Variants in ACCSL observed in about 807,000 individuals in gnomAD.
ACCSL encodes the protein probable inactive 1-aminocyclopropane-1-carboxylate synthase-like protein 2.
ACCSL carries 55 observed loss-of-function variants against 61.7 expected under a neutral mutation model. The ratio of observed to expected loss-of-function variants is 0.89; its 90% CI spans 0.72 to 1.12. The LOEUF (loss-of-function observed/expected upper bound fraction) is 1.12, where lower values mean the gene tolerates loss of function less well. Ranked by LOEUF, ACCSL falls within the 50% of genes most tolerant of loss-of-function variation. ACCSL has a pLI of 0.00. For synonymous variants in ACCSL, 258 were observed against 264.3 expected (o/e 0.98, Z 0.23); for missense variants, 632 against 698.0 (o/e 0.91, Z 1.07).
the ACCSL span, among the ~76,000 whole-genome samples, chr11:43,978,832 C>T: frequency 9.0e-6 from 1 of 111,426 alleles, no homozygotes; most frequent in African/African-American, 3.4e-5. Flanking sequence ...AAAGGGAGAA[C>T]TGTTCCTCTC....
the ACCSL span, among the ~76,000 whole-genome samples, chr11:44,020,493 T>C: frequency 6.6e-6 from 1 of 152,190 alleles, no homozygotes; most frequent in East Asian, 1.9e-4. Flanking sequence ...ATTGAGGAAA[T>C]CTATTCCTAG....
At chr11:44,026,820 CCTGGG>C in the ACCSL span, among the ~76,000 whole-genome samples, 1 of 152,090 alleles carries the variant, frequency 6.6e-6, no homozygotes, top group African/African-American at 2.4e-5. Context: ...ACCTCCGCCT[CCTGGG>C]TTCAAGCCAT....
At chr11:43,959,642 T>C in the ACCSL span, among the ~76,000 whole-genome samples, 1 of 152,176 alleles carries the variant, frequency 6.6e-6, no homozygotes, top group African/African-American at 2.4e-5. Flanking sequence ...CTTGCTGTCT[T>C]GCTTTCAACA....
In ACCSL at chr11:44,058,637, T is replaced by C. The variant is rs772547278; in HGVS notation, c.1562T>C (p.Met521Thr). 3.1e-6 allele frequency: 5 copies of C among 1,613,964 alleles called. No homozygotes were observed. The highest frequency in any genetic ancestry group is 4.2e-6 in the Non-Finnish European group (5 of 1,179,998). ...KLLLSRGKTY[M>T]CKEPGWFCLI... ...TTGTTATCCCGTGGCAAAACCTACA[T>C]GTGTAAGGAGCCAGGCTGGTTCTGC... Residue 521 changes from methionine to threonine, a missense_variant, in exon 13 of 14, where the codon ATG becomes ACG. By Grantham distance (81) the Met-to-Thr change is moderately conservative (BLOSUM62 -1). Coordinates refer to ENST00000378832, the MANE Select transcript of ACCSL (RefSeq NM_001031854.2).
chr11:44,023,062 TCGA>T, the ACCSL span, among the ~76,000 whole-genome samples: 15 of 119,514 alleles, frequency 1.3e-4, no homozygotes, highest in South Asian at 3.0e-4. Flanking sequence ...TTTTTTTTTT[TCGA>T]GAAAGAGTCT....
chr11:44,021,341 G>A, the ACCSL span, among the ~76,000 whole-genome samples: 2 of 152,130 alleles, frequency 1.3e-5, no homozygotes, highest in Admixed American at 6.5e-5. Context: ...ATTGCATTGT[G>A]GTTTTGATTT....
At chr11:43,960,991 T>G in the ACCSL span, among the ~76,000 whole-genome samples, 3 of 152,084 alleles carry the variant, frequency 2.0e-5, no homozygotes, top group African/African-American at 7.2e-5. Flanking sequence ...GTGATTTTTT[T>G]TGTATTTTTA....
the ACCSL span, chr11:43,942,930 TG>T: frequency 7.0e-7 from 1 of 1,431,394 alleles, no homozygotes; most frequent in Non-Finnish European, 9.1e-7. Context: ...GGCGAGCTGA[TG>T]GGCATCTGCT....
At chr11:43,965,758 A>G in the ACCSL span, among the ~76,000 whole-genome samples, 1 of 152,238 alleles carries the variant, frequency 6.6e-6, no homozygotes, top group Non-Finnish European at 1.5e-5. Context: ...ATAAACATGT[A>G]GATCATGAAC....
intron 11 of ACCSL, among the ~76,000 whole-genome samples, chr11:44,057,653 A>G (rs1339017068): frequency 1.3e-5 from 2 of 152,190 alleles, no homozygotes; most frequent in African/African-American, 2.4e-5. Context: ...CCATTGTATG[A>G]GGCTCAAATT....
chr11:43,962,057 G>A, the ACCSL span, among the ~76,000 whole-genome samples: 1 of 152,140 alleles, frequency 6.6e-6, no homozygotes, highest in Non-Finnish European at 1.5e-5. Context: ...TGTTCAAGAT[G>A]CCCAGAACAT....
At position 44,056,426 on chromosome 11, in the gene ACCSL, G is replaced by T. The variant is rs866597405; in HGVS notation, c.1327+100G>T. ...CTCTGATGTGCCCTTAATATACTGAGACCCTATTTCCTGTCTCAGATTTAA... is the reference window on the plus strand; with the variant it reads ...CTCTGATGTGCCCTTAATATACTGATACCCTATTTCCTGTCTCAGATTTAA... On this transcript the variant is annotated intron_variant, in intron 11 of 13. Transcript: ENST00000378832. The T allele has an allele frequency of 8.9e-5, 125 of 1,411,606 alleles. No individual in the cohort carries two copies. In the Middle Eastern group the frequency reaches 1.8e-3, roughly 20 times the overall value. The allele number at this position is 1,411,606 out of a possible 1,614,324, so 87.4% of individuals were successfully genotyped here.
the ACCSL span, chr11:43,995,247 C>G: frequency 6.6e-6 from 1 of 152,264 alleles, no homozygotes; most frequent in Admixed American, 6.5e-5. Flanking sequence ...GTGACCCGCT[C>G]AATAGACACA....
the ACCSL span, among the ~76,000 whole-genome samples, chr11:44,020,926 A>G: frequency 2.0e-5 from 3 of 152,036 alleles, no homozygotes; most frequent in Admixed American, 1.3e-4. Context: ...ATGGTTTCCA[A>G]CTACATCTGG....
the ACCSL span, among the ~76,000 whole-genome samples, chr11:43,970,081 C>T: frequency 3.3e-5 from 5 of 151,956 alleles, no homozygotes; most frequent in African/African-American, 1.2e-4. Flanking sequence ...CTTGGGAGAC[C>T]GATGCAGAAG....
chr11:43,979,098 C>T, the ACCSL span, among the ~76,000 whole-genome samples: 1 of 152,024 alleles, frequency 6.6e-6, no homozygotes, highest in African/African-American at 2.4e-5. Flanking sequence ...TTATGCCTGG[C>T]CAAAGTCAAG....
At chr11:43,993,800 G>A in the ACCSL span, among the ~76,000 whole-genome samples, 1 of 152,198 alleles carries the variant, frequency 6.6e-6, no homozygotes, top group African/African-American at 2.4e-5. Flanking sequence ...GTCCTCAGTG[G>A]GGATGTTTGG....
rs181373487 is a variant in ACCSL at position 44,053,160 on chromosome 11, C to T, written c.948+92C>T. 9.5e-5 allele frequency: 112 copies of T among 1,173,370 alleles called. 1 individual carries two copies. The highest frequency in any genetic ancestry group is 8.4e-4 in the Admixed American group (45 of 53,476). The allele number at this position is 1,173,370 out of a possible 1,614,324, so 72.7% of individuals were successfully genotyped here. Reference sequence around the variant, plus strand: ...TCTGGTACTGCTTATTCACCAAGACCTGGTGGGCTGTCCTTAGTTGGAAGA... The same window carrying T: ...TCTGGTACTGCTTATTCACCAAGACTTGGTGGGCTGTCCTTAGTTGGAAGA... On this transcript the variant is annotated intron_variant, in intron 7 of 13. Transcript: ENST00000378832.
the ACCSL span, among the ~76,000 whole-genome samples, chr11:43,966,597 C>T: frequency 1.3e-5 from 2 of 152,014 alleles, no homozygotes; most frequent in Non-Finnish European, 2.9e-5. Context: ...AACAGAAAGA[C>T]AAATAACCCA....
Sources: allele counts gnomAD v4.1 joint callset (sites outside exome capture counted in the v4.1 genomes callset), GRCh38; gene constraint gnomAD v4.1.1; transcripts MANE v1.5; gene names NCBI Gene and HGNC (gene_info 2026-07-23, HGNC 2026-07-21).